The following MGST2 variants were observed in gnomAD, a reference collection of about 807,000 sequenced individuals.
The protein encoded by MGST2 is microsomal glutathione S-transferase 2, also known as glutathione peroxidase MGST2.
Under a neutral mutation model 16.6 loss-of-function variants are expected in MGST2, and 9 were observed. The ratio of observed to expected loss-of-function variants is 0.54; its 90% CI spans 0.33 to 0.95. The LOEUF is 0.95. Among genes scored for constraint, MGST2 ranks in the 40% least tolerant of loss-of-function variants. The pLI, the probability that MGST2 is intolerant of heterozygous loss-of-function variation, is 0.03. For synonymous variants in MGST2, 79 were observed against 68.0 expected, an observed-to-expected ratio of 1.16 and a Z score of -0.79; for missense variants, 159 against 175.1, an observed-to-expected ratio of 0.91 and a Z score of 0.52.
intron 5 of MGST2, among the ~76,000 whole-genome samples, chr4:139,725,473 A>G (rs1728430324): frequency 1.3e-5 from 2 of 152,174 alleles, no homozygotes; most frequent in African/African-American, 4.8e-5. Flanking sequence ...TTGGTAAAGA[A>G]CAGCTGTTCT....
At chr4:139,716,448 G>A (rs1727963445) in intron 5 of MGST2, among the ~76,000 whole-genome samples, 1 of 152,130 alleles carries the variant, frequency 6.6e-6, no homozygotes, top group Non-Finnish European at 1.5e-5. Flanking sequence ...TGAACTAGTT[G>A]GAAATGGAAT....
the MGST2 span, among the ~76,000 whole-genome samples, chr4:139,749,135 A>G: frequency 2.0e-5 from 3 of 152,226 alleles, no homozygotes; most frequent in African/African-American, 7.2e-5. Context: ...CAAATTGAGA[A>G]AAGGCAAAGA....
intron 2 of MGST2, among the ~76,000 whole-genome samples, chr4:139,689,681 A>G (rs990566989): frequency 9.2e-5 from 14 of 152,222 alleles, no homozygotes; most frequent in African/African-American, 3.1e-4. Flanking sequence ...TGCAAGAAGC[A>G]AACTTCCTTT....
At chr4:139,696,743 C>T (rs8192105) in intron 3 of MGST2, among the ~76,000 whole-genome samples, 4,031 of 152,252 alleles carry the variant, frequency 0.026, 137 homozygotes, top group African/African-American at 0.076. Context: ...TCAGGTTTGA[C>T]GGCTTTCACA....
chr4:139,747,412 G>A, the MGST2 span, among the ~76,000 whole-genome samples: 1 of 152,230 alleles, frequency 6.6e-6, no homozygotes, highest in Admixed American at 6.5e-5. Context: ...CTTCCTTGTA[G>A]GTCGGGCACA....
chr4:139,746,550 G>C, the MGST2 span, among the ~76,000 whole-genome samples: 4 of 152,116 alleles, frequency 2.6e-5, no homozygotes, highest in African/African-American at 9.7e-5. Context: ...TCACCTATTT[G>C]TTCTGTCTTC....
intron 5 of MGST2, chr4:139,716,668 C>CAGTT (rs1161290235): frequency 6.6e-6 from 1 of 152,540 alleles, no homozygotes; most frequent in Admixed American, 6.6e-5. Context: ...AAAAGAACTG[C>CAGTT]AGTTAATTAA....
Position 139,716,570 on chromosome 4 carries a change from C to CATCA in MGST2, c.*48+12375_*48+12378dup, listed in dbSNP as rs1727971168. Among the ~76,000 whole-genome samples, 6 of 152,018 alleles carry CATCA rather than the reference C, an allele frequency of 3.9e-5. No homozygotes were observed. The South Asian group carries it at 1.2e-3, about 32-fold the overall frequency. On this transcript the variant is annotated intron_variant, in intron 5 of 5. Coordinates refer to the MGST2 transcript ENST00000616265. ...GTGCGGCAGTAAATTCAGAAAGTAT[C>CATCA]ATCAGTTGTGCAGTTGAATGCAAAG...
chr4:139,702,843 G>GTTTTTTTTTTTT (rs1727325108), intron 3 of MGST2, among the ~76,000 whole-genome samples: 7 of 27,646 alleles, frequency 2.5e-4, no homozygotes, highest in Non-Finnish European at 6.3e-4. Context: ...TTGTGTTACT[G>GTTTTTTTTTTTT]GTTTTTTTTT....
intron 5 of MGST2, among the ~76,000 whole-genome samples, chr4:139,711,271 T>C (rs1727730858): frequency 6.6e-6 from 1 of 151,902 alleles, no homozygotes; most frequent in Non-Finnish European, 1.5e-5. Flanking sequence ...CAGGAAAAGG[T>C]CCCAATCCAG....
intron 5 of MGST2, chr4:139,730,339 T>A (rs1261292471): frequency 2.3e-6 from 3 of 1,317,892 alleles, no homozygotes; most frequent in Non-Finnish European, 3.2e-6. Context: ...GAACTGCCAC[T>A]TCCTCACAGG....
At chr4:139,672,080 G>A (rs1259877595) in intron 1 of MGST2, among the ~76,000 whole-genome samples, 3 of 152,164 alleles carry the variant, frequency 2.0e-5, no homozygotes, top group Non-Finnish European at 4.4e-5. Flanking sequence ...CTGGGAGTAG[G>A]TGGGATATCT....
At chr4:139,732,974 A>T (rs527263171) in intron 5 of MGST2, among the ~76,000 whole-genome samples, 1 of 152,214 alleles carries the variant, frequency 6.6e-6, no homozygotes, top group Admixed American at 6.5e-5. Context: ...AATGCCAGGA[A>T]CCTTTGTGCT....
At chr4:139,744,355 A>G (rs1312036428), downstream of MGST2, among the ~76,000 whole-genome samples, 5 of 152,222 alleles carry the variant, frequency 3.3e-5, no homozygotes, top group Non-Finnish European at 7.3e-5. Flanking sequence ...TCACAGCTAA[A>G]ACAAACAAAT....
At chr4:139,668,595 CAGAG>C (rs200533863) in intron 1 of MGST2, among the ~76,000 whole-genome samples, 27,802 of 134,890 alleles carry the variant, frequency 0.21, 3,066 homozygotes, top group East Asian at 0.32. Flanking sequence ...AAGAAAGACA[CAGAG>C]AGAGAGAGAG....
At chr4:139,723,937 C>T (rs6842201) in intron 5 of MGST2, among the ~76,000 whole-genome samples, 28,755 of 152,106 alleles carry the variant, frequency 0.19, 3,093 homozygotes, top group East Asian at 0.26. Context: ...TAACAAGCTC[C>T]GCTGGTGCTT....
At chr4:139,667,254 A>G (rs938544409) in intron 1 of MGST2, among the ~76,000 whole-genome samples, 10 of 152,172 alleles carry the variant, frequency 6.6e-5, no homozygotes, top group African/African-American at 2.4e-4. Flanking sequence ...AGAAACCTTT[A>G]GGCTGAACTT....
At chr4:139,670,533 G>A (rs1730629524) in intron 1 of MGST2, among the ~76,000 whole-genome samples, 2 of 152,134 alleles carry the variant, frequency 1.3e-5, no homozygotes, top group African/African-American at 4.8e-5. Flanking sequence ...GATTATAAGT[G>A]GACTCAGAGA....
chr4:139,745,874 AAG>A, the MGST2 span, among the ~76,000 whole-genome samples: 1 of 152,234 alleles, frequency 6.6e-6, no homozygotes, highest in Non-Finnish European at 1.5e-5. Flanking sequence ...GGATGGAGGA[AAG>A]ATGGCAGGCA....
Sources: gnomAD v4.1 joint callset for allele counts (sites outside exome capture counted in the v4.1 genomes callset) on GRCh38, gnomAD v4.1.1 for gene constraint, MANE v1.5 for transcripts, NCBI Gene and HGNC (gene_info 2026-07-23, HGNC 2026-07-21) for gene names.